The following EYS variants were observed in gnomAD, a reference collection of about 807,000 sequenced individuals.
EYS encodes the protein protein eyes shut homolog.
A neutral mutation model predicts 282.1 loss-of-function variants in EYS; 250 were observed. The ratio of observed to expected loss-of-function variants is 0.89; its 90% CI spans 0.80 to 0.98. The LOEUF is 0.98. Among genes scored for constraint, EYS ranks in the 50% least tolerant of loss-of-function variants. The pLI is 0.00. For synonymous variants in EYS, 1,355 were observed against 1,282.9 expected (o/e 1.06, Z -1.20); for missense variants, 4,016 against 3,709.0 (o/e 1.08, Z -2.15).
At chr6:65,461,853 C>T (rs972054495) in intron 5 of EYS, among the ~76,000 whole-genome samples, 4 of 152,098 alleles carry the variant, frequency 2.6e-5, no homozygotes, top group Non-Finnish European at 4.4e-5. Flanking sequence ...AGTAGTATTA[C>T]AGTATTGCCA....
intron 12 of EYS, among the ~76,000 whole-genome samples, chr6:65,071,429 T>C (rs948050280): frequency 4.0e-5 from 6 of 151,752 alleles, no homozygotes; most frequent in African/African-American, 1.4e-4. Context: ...AATGGAATTC[T>C]GGAAAAAATA....
chr6:64,801,673 A>C (rs1764234521), intron 22 of EYS, among the ~76,000 whole-genome samples: 1 of 152,182 alleles, frequency 6.6e-6, no homozygotes. Context: ...TAAAATGAAA[A>C]GGCTAATAGA....
At chr6:65,374,027 T>C (rs1389804967) in intron 8 of EYS, among the ~76,000 whole-genome samples, 1 of 152,186 alleles carries the variant, frequency 6.6e-6, no homozygotes, top group Non-Finnish European at 1.5e-5. Context: ...TCAAATGATA[T>C]CTTCATAGTG....
chr6:63,940,730 AT>A (rs1765210357), intron 35 of EYS, among the ~76,000 whole-genome samples: 1 of 151,722 alleles, frequency 6.6e-6, no homozygotes. Flanking sequence ...CATGTGTACA[AT>A]GTGCAGGTTT....
intron 23 of EYS, among the ~76,000 whole-genome samples, chr6:64,622,044 A>G (rs1767461767): frequency 6.6e-6 from 1 of 152,182 alleles, no homozygotes. Flanking sequence ...ATTGGAAATG[A>G]GCTCAAAAAC....
At chr6:65,627,548 G>A (rs947946748) in intron 2 of EYS, among the ~76,000 whole-genome samples, 2 of 152,262 alleles carry the variant, frequency 1.3e-5, no homozygotes, top group East Asian at 2.0e-4. Context: ...AGCAGGAACC[G>A]GGGCTGCCTG....
At chr6:65,006,009 A>G (rs889374392) in intron 13 of EYS, among the ~76,000 whole-genome samples, 3 of 152,116 alleles carry the variant, frequency 2.0e-5, no homozygotes, top group African/African-American at 7.2e-5. Context: ...TCTTCTAGCA[A>G]GTTGTATCTC....
intron 14 of EYS, among the ~76,000 whole-genome samples, chr6:64,970,640 T>A (rs925391669): frequency 2.6e-5 from 4 of 152,188 alleles, no homozygotes; most frequent in Non-Finnish European, 5.9e-5. Flanking sequence ...CAGTAAAAAG[T>A]GATTTTTCAA....
At chr6:65,160,243 T>G (rs1764821324) in intron 12 of EYS, among the ~76,000 whole-genome samples, 1 of 150,968 alleles carries the variant, frequency 6.6e-6, no homozygotes, top group Non-Finnish European at 1.5e-5. Context: ...TAACTTTCAG[T>G]TTTTAACTTT....
chr6:64,583,436 A>C, intron 26 of EYS, among the ~76,000 whole-genome samples: 1 of 152,100 alleles, frequency 6.6e-6, no homozygotes, highest in East Asian at 1.9e-4. Context: ...ACAAACAAAC[A>C]ATCATAGTGG....
chr6:64,787,352 T>C (rs1774055615), intron 22 of EYS, among the ~76,000 whole-genome samples: 1 of 152,160 alleles, frequency 6.6e-6, no homozygotes, highest in Non-Finnish European at 1.5e-5. Flanking sequence ...TGGAAAGACA[T>C]TTTTCCTAAA....
intron 22 of EYS, among the ~76,000 whole-genome samples, chr6:64,799,925 G>A (rs1454364306): frequency 6.6e-6 from 1 of 151,696 alleles, no homozygotes; most frequent in Non-Finnish European, 1.5e-5. Flanking sequence ...GTCTTTCTTT[G>A]TCTCTCTATA....
rs1582315319 is a variant in EYS at position 64,131,105 on chromosome 6, A to T, written c.6425-49103T>A. Among the ~76,000 whole-genome samples, 3 of 114,240 alleles carry T rather than the reference A, an allele frequency of 2.6e-5. No individual in the cohort carries two copies. The East Asian group carries it at 8.6e-4, about 33-fold the overall frequency. The allele number at this position is 114,240 out of a possible 152,430, so 74.9% of individuals were successfully genotyped here. ...CTGGTCTTGAACTCTTGACTTCGTG[A>T]TCCTCCCCCCCTTGGCCTCCCAAAG... On this transcript the variant is annotated intron_variant, in intron 31 of 42. Coordinates refer to ENST00000503581, the MANE Select transcript of EYS (RefSeq NM_001142800.2).
At chr6:64,425,722 A>C (rs1274301315) in intron 28 of EYS, among the ~76,000 whole-genome samples, 2 of 152,002 alleles carry the variant, frequency 1.3e-5, no homozygotes, top group African/African-American at 4.8e-5. Flanking sequence ...CAGAGAAAAA[A>C]TAAGTAGATG....
intron 18 of EYS, among the ~76,000 whole-genome samples, chr6:64,897,636 G>C (rs984121740): frequency 6.6e-6 from 1 of 152,130 alleles, no homozygotes; most frequent in African/African-American, 2.4e-5. Flanking sequence ...GCTTTAGAAG[G>C]TGGGTAATAA....
chr6:64,833,726 T>TA (rs1765294158), intron 19 of EYS, among the ~76,000 whole-genome samples: 1 of 151,926 alleles, frequency 6.6e-6, no homozygotes, highest in South Asian at 2.1e-4. Context: ...CATTATTAGT[T>TA]AAAATTATAT....
rs1046782595 is a variant in EYS at position 63,730,622 on chromosome 6, C to T, written c.8072-3942G>A. Among the ~76,000 whole-genome samples the T allele has an allele frequency of 5.9e-5, 9 of 152,204 alleles. 2 individuals are homozygous for T. The highest frequency in any genetic ancestry group is 5.9e-4 in the Admixed American group (9 of 15,278). On this transcript the variant is annotated intron_variant, in intron 41 of 42. Coordinates refer to ENST00000503581, the MANE Select transcript of EYS (RefSeq NM_001142800.2). ...CCTCCTTTTCTTTAAACTTCAGATGCACTGGCTTTTACTACTGGATTTGTC... is the reference window on the plus strand; with the variant it reads ...CCTCCTTTTCTTTAAACTTCAGATGTACTGGCTTTTACTACTGGATTTGTC...
intron 13 of EYS, among the ~76,000 whole-genome samples, chr6:65,052,487 A>G (rs1029316497): frequency 2.0e-5 from 3 of 151,630 alleles, no homozygotes; most frequent in Non-Finnish European, 4.4e-5. Flanking sequence ...GGCCATGACA[A>G]TAGACACGTT....
At chr6:64,956,409 T>G (rs1018030986) in intron 14 of EYS, among the ~76,000 whole-genome samples, 1 of 152,164 alleles carries the variant, frequency 6.6e-6, no homozygotes, top group Non-Finnish European at 1.5e-5. Flanking sequence ...TGAAACTGGA[T>G]GCCTATCTCT....
Sources: allele counts gnomAD v4.1 joint callset (sites outside exome capture counted in the v4.1 genomes callset), GRCh38; gene constraint gnomAD v4.1.1; transcripts MANE v1.5; gene names NCBI Gene and HGNC (gene_info 2026-07-23, HGNC 2026-07-21).